Variants in PCDHB1 observed in about 807,000 individuals in gnomAD.
The protein encoded by PCDHB1 is protocadherin beta-1.
PCDHB1 carries 44 observed loss-of-function variants against 43.5 expected under a neutral mutation model. The observed-to-expected ratio is 1.01, with a 90% CI of 0.79 to 1.30. The LOEUF is 1.30. Among genes scored for constraint, PCDHB1 ranks in the 50% most tolerant of loss-of-function variants. The pLI is 0.00. For synonymous variants in PCDHB1, 392 were observed against 400.8 expected (o/e 0.98, Z 0.26); for missense variants, 919 against 1,008.9 (o/e 0.91, Z 1.21).
Position 141,052,844 on chromosome 5 carries a change from CT to C in PCDHB1, c.1376del (p.Leu459Ter), listed in dbSNP as rs1554267323. On this transcript the variant is annotated frameshift_variant, in exon 1 of 1. Transcript: ENST00000306549. LOFTEE classifies it high-confidence loss of function. ...PPIFREDSYILTVRENNSPAV... is the reference protein window; with the variant it reads ...PPIFREDSYIXTVRENNSPAV... Reference sequence around the variant, plus strand: ...CAATATTTCGGGAAGATTCCTATATCTTGACTGTTCGAGAAAACAACAGTCC... The same window carrying C: ...CAATATTTCGGGAAGATTCCTATATCTGACTGTTCGAGAAAACAACAGTCC... 1 of 1,614,178 alleles carries C rather than the reference CT, an allele frequency of 6.2e-7. No homozygotes were observed. Among genetic ancestry groups the C allele is most frequent in the East Asian group, 2.2e-5 (1 of 44,890 alleles).
At position 141,058,003 on chromosome 5, in the gene PCDHB1, A is replaced by G. The variant is rs573344600; in HGVS notation, c.*4076A>G. ...ACAAAAAGGCTTTTTATTAGGAAAT[A>G]ATTCTAGACTCATAAAATTGCAAAA... On this transcript the variant is annotated 3_prime_UTR_variant, in exon 1 of 1. Transcript: ENST00000306549. The G allele has an allele frequency of 6.6e-6, 1 of 152,344 alleles. No homozygotes were observed. The highest frequency in any genetic ancestry group is 1.9e-4 in the East Asian group (1 of 5,190). The allele number at this position is 152,344 out of a possible 1,614,324, so 9.4% of individuals were successfully genotyped here.
Position 141,051,688 on chromosome 5 carries a change from T to A in PCDHB1, c.218T>A (p.Met73Lys), listed in dbSNP as rs1554267062. Residue 73 changes from methionine (M) to lysine (K), a missense_variant, in exon 1 of 1, where the codon ATG becomes AAG. By Grantham distance (95) the Met-to-Lys change is moderately conservative. Transcript: ENST00000306549. ...GARLVSEGNK[M>K]HFRLHRKTGD... The stretch of plus-strand genomic sequence containing the variant: ...CGGCTGGTTTCCGAGGGCAACAAAA[T>A]GCATTTCCGGCTCCACCGCAAGACG... The A allele has an allele frequency of 6.2e-7, 1 of 1,614,096 alleles. No homozygotes were observed. The highest frequency in any genetic ancestry group is 1.7e-5 in the Admixed American group (1 of 60,018).
chr5:141,052,731 A>G lies in PCDHB1; in HGVS notation c.1261A>G (p.Thr421Ala). Residue 421 changes from threonine to alanine, a missense_variant, in exon 1 of 1, where the codon ACC becomes GCC. Coordinates refer to ENST00000306549, the MANE Select transcript of PCDHB1 (RefSeq NM_013340.4). The part of the protein sequence containing the change: ...DREEVSGYNI[T>A]IVAMDTGPPS... The stretch of plus-strand genomic sequence containing the variant: ...GGAGGAGGTCTCAGGCTATAATATC[A>G]CCATTGTTGCCATGGATACTGGACC... 1 of 1,613,952 alleles carries G rather than the reference A, an allele frequency of 6.2e-7. No homozygotes were observed. The highest frequency in any genetic ancestry group is 1.6e-4 in the Middle Eastern group (1 of 6,062).
Position 141,053,776 on chromosome 5 carries a change from G to T in PCDHB1, c.2306G>T (p.Arg769Leu). ...SATGTGNSEFRFLKRFMPNFP... is the reference protein window; with the variant it reads ...SATGTGNSEFLFLKRFMPNFP... ...ACTGGCACTGGTAATAGTGAGTTTC[G>T]CTTTCTTAAGCGTTTTATGCCCAAC... is the stretch of plus-strand genomic sequence containing the variant. Residue 769 changes from arginine to leucine, a missense_variant, in exon 1 of 1, where the codon CGC becomes CTC. By Grantham distance (102) the Arg-to-Leu change is moderately radical (BLOSUM62 -2). Coordinates refer to ENST00000306549, the MANE Select transcript of PCDHB1 (RefSeq NM_013340.4). The T allele has an allele frequency of 6.2e-7, 1 of 1,614,138 alleles. No homozygotes were observed. Among genetic ancestry groups the T allele is most frequent in the Non-Finnish European group, 8.5e-7 (1 of 1,180,014 alleles).
rs1751122011 is a variant in PCDHB1, at chr5:141,055,878, C to T, written c.*1951C>T. 1 of 152,180 alleles carries T rather than the reference C, an allele frequency of 6.6e-6. No individual in the cohort carries two copies. The highest frequency in any genetic ancestry group is 2.4e-5 in the African/African-American group (1 of 41,440). 9.4% of individuals were successfully genotyped at this position (152,180 alleles called of 1,614,324 possible). On this transcript the variant is annotated 3_prime_UTR_variant, in exon 1 of 1. Coordinates refer to ENST00000306549, the MANE Select transcript of PCDHB1 (RefSeq NM_013340.4). ...TAACATATTTCAGGGATTCTCCCAA[C>T]ACTGCTAACTGTGCCTTGAAAGTCA...
At position 141,052,835 on chromosome 5, in the gene PCDHB1, T is replaced by C. The variant is rs1751025109; in HGVS notation, c.1365T>C (p.Asp455=). ...VNDNPPIFRE[D]SYILTVRENN... is the part of the protein sequence containing the mutation. Reference sequence around the variant, plus strand: ...ACAATCCTCCAATATTTCGGGAAGATTCCTATATCTTGACTGTTCGAGAAA... The same window carrying C: ...ACAATCCTCCAATATTTCGGGAAGACTCCTATATCTTGACTGTTCGAGAAA... The change falls in exon 1 of 1, where the codon GAT becomes GAC. Residue 455 remains aspartate (D), a synonymous_variant. Coordinates refer to ENST00000306549, the MANE Select transcript of PCDHB1 (RefSeq NM_013340.4). 6.2e-7 allele frequency: 1 copy of C among 1,614,178 alleles called. No homozygotes were observed. The highest frequency in any genetic ancestry group is 8.5e-7 in the Non-Finnish European group (1 of 1,180,032).
In PCDHB1 at chr5:141,058,412, G is replaced by C. The variant is rs1457269117; in HGVS notation, c.*4485G>C. 6.6e-6 allele frequency: 1 copy of C among 152,172 alleles called. No homozygotes were observed. Among genetic ancestry groups the C allele is most frequent in the East Asian group, 1.9e-4 (1 of 5,206 alleles). The allele number at this position is 152,172 out of a possible 1,614,324, so 9.4% of individuals were successfully genotyped here. ...TTATTGGGAAAAATACTGCAGAAAT[G>C]ATATTGTATCCTTTTCAGTGCATCA... On this transcript the variant is annotated 3_prime_UTR_variant, in exon 1 of 1. Coordinates refer to ENST00000306549, the MANE Select transcript of PCDHB1 (RefSeq NM_013340.4).
Position 141,058,802 on chromosome 5 carries a change from C to G in PCDHB1, c.*4875C>G, listed in dbSNP as rs1393925010. 6.6e-6 allele frequency: 1 copy of G among 152,098 alleles called. No homozygotes were observed. Among genetic ancestry groups the G allele is most frequent in the African/African-American group, 2.4e-5 (1 of 41,436 alleles). 9.4% of individuals were successfully genotyped at this position (152,098 alleles called of 1,614,324 possible). ...TTTTCTATTTCTCTATTTCCTTTTACATTAATTAAAATTCTTCTGGAAGGA... is the reference window on the plus strand; with the variant it reads ...TTTTCTATTTCTCTATTTCCTTTTAGATTAATTAAAATTCTTCTGGAAGGA... On this transcript the variant is annotated 3_prime_UTR_variant, in exon 1 of 1. Transcript: ENST00000306549.
Position 141,053,734 on chromosome 5 carries a change from A to G in PCDHB1, c.2264A>G (p.Tyr755Cys), listed in dbSNP as rs1554267514. 6.2e-7 allele frequency: 1 copy of G among 1,614,206 alleles called. No homozygotes were observed. The highest frequency in any genetic ancestry group is 1.7e-5 in the Admixed American group (1 of 60,030). Residue 755 changes from tyrosine to cysteine, a missense_variant, in exon 1 of 1, where the codon TAT (tyrosine) becomes TGT (cysteine). By Grantham distance (194) the Tyr-to-Cys change is radical. Coordinates refer to ENST00000306549, the MANE Select transcript of PCDHB1 (RefSeq NM_013340.4). ...GNGSLSRPCPYEMCSATGTGN... is the reference protein window; with the variant it reads ...GNGSLSRPCPCEMCSATGTGN... ...GGATCCTTATCTCGGCCTTGTCCAT[A>G]TGAAATGTGTTCAGCCACTGGCACT...
Position 141,054,071 on chromosome 5 carries a change from A to G in PCDHB1, c.*144A>G, listed in dbSNP as rs2154005583. ...AGTACTTAGTTTGGTGAAAATGGGA[A>G]ACCTAGAGTGAGGCTAGGCTTACTC... On this transcript the variant is annotated 3_prime_UTR_variant, in exon 1 of 1. Transcript: ENST00000306549. 7.5e-6 allele frequency: 5 copies of G among 666,710 alleles called. No individual in the cohort carries two copies. In the South Asian group the frequency reaches 1.0e-4, roughly 13 times the overall value. The allele number at this position is 666,710 out of a possible 1,614,324, so 41.3% of individuals were successfully genotyped here. A position where few individuals can be genotyped will look rare whatever the true frequency, so the allele number is the denominator to read the frequency against.
rs1031477169 is a variant in PCDHB1, at chr5:141,057,921, T to A, written c.*3994T>A. 8 of 152,210 alleles carry A rather than the reference T, an allele frequency of 5.3e-5. No individual in the cohort carries two copies. The highest frequency in any genetic ancestry group is 1.9e-4 in the African/African-American group (8 of 41,446). The allele number at this position is 152,210 out of a possible 1,614,324, so 9.4% of individuals were successfully genotyped here. A position where few individuals can be genotyped will look rare whatever the true frequency, so the allele number is the denominator to read the frequency against. On this transcript the variant is annotated 3_prime_UTR_variant, in exon 1 of 1. Coordinates refer to ENST00000306549, the MANE Select transcript of PCDHB1 (RefSeq NM_013340.4). ...CTCTCTCCAAAGTGTCAAGTGATAT[T>A]ATAACTATTTCTATGTATTCAAAGC...
rs1181941823 is a variant in PCDHB1 at position 141,058,272 on chromosome 5, A to G, written c.*4345A>G. ...TCTCTACCACCTGTGACAGTTCCTT[A>G]CTCTTACCTTGTCTATCATGACTTG... On this transcript the variant is annotated 3_prime_UTR_variant, in exon 1 of 1. Transcript: ENST00000306549. 2 of 151,952 alleles carry G rather than the reference A, an allele frequency of 1.3e-5. No individual in the cohort carries two copies. Among genetic ancestry groups the G allele is most frequent in the African/African-American group, 4.8e-5 (2 of 41,350 alleles). The allele number at this position is 151,952 out of a possible 1,614,324, so 9.4% of individuals were successfully genotyped here. A position where few individuals can be genotyped will look rare whatever the true frequency, so the allele number is the denominator to read the frequency against.
In PCDHB1 at chr5:141,053,207, G is replaced by C; in HGVS notation, c.1737G>C (p.Arg579Ser). The C allele has an allele frequency of 1.9e-6, 3 of 1,614,202 alleles. No individual in the cohort carries two copies. Among genetic ancestry groups the C allele is most frequent in the Non-Finnish European group, 2.5e-6 (3 of 1,180,028 alleles). The change falls in exon 1 of 1, where the codon AGG becomes AGC. Residue 579 changes from arginine to serine, a missense_variant. Coordinates refer to ENST00000306549, the MANE Select transcript of PCDHB1 (RefSeq NM_013340.4). Reference protein sequence around the residue: ...GTLPCNDLVPRSAEAGYLVTK... With the variant: ...GTLPCNDLVPSSAEAGYLVTK... Reference sequence around the variant, plus strand: ...TGCCCTGCAATGACCTGGTGCCCAGGTCTGCAGAGGCAGGCTACCTAGTGA... The same window carrying C: ...TGCCCTGCAATGACCTGGTGCCCAGCTCTGCAGAGGCAGGCTACCTAGTGA...
rs186990269 is a variant in PCDHB1, at chr5:141,056,154, C to T, written c.*2227C>T. 2.0e-4 allele frequency: 30 copies of T among 152,162 alleles called. No individual in the cohort carries two copies. The highest frequency in any genetic ancestry group is 6.5e-4 in the African/African-American group (27 of 41,522). The allele number at this position is 152,162 out of a possible 1,614,324, so 9.4% of individuals were successfully genotyped here. A position where few individuals can be genotyped will look rare whatever the true frequency, so the allele number is the denominator to read the frequency against. ...TAAATTCAGACTCACTAGAATACAT[C>T]CTCTTGGTATTTTAAGGGTAGAGCA... On this transcript the variant is annotated 3_prime_UTR_variant, in exon 1 of 1. Transcript: ENST00000306549.
At position 141,053,719 on chromosome 5, in the gene PCDHB1, C is replaced by T. The variant is rs1554267507; in HGVS notation, c.2249C>T (p.Ser750Phe). The change falls in exon 1 of 1, where the codon TCT becomes TTT. Residue 750 changes from serine (S) to phenylalanine (F), a missense_variant. Ser to Phe is a radical substitution (Grantham distance 155). Coordinates refer to ENST00000306549, the MANE Select transcript of PCDHB1 (RefSeq NM_013340.4). ...CAAGGACAAGGCAATGGATCCTTAT[C>T]TCGGCCTTGTCCATATGAAATGTGT... ...LVQGQGNGSL[S>F]RPCPYEMCSA... The T allele has an allele frequency of 1.2e-6, 2 of 1,614,030 alleles. No homozygotes were observed. The highest frequency in any genetic ancestry group is 3.3e-5 in the Admixed American group (2 of 60,012).
chr5:141,059,274 G>T lies in PCDHB1; in HGVS notation c.*5347G>T, dbSNP rs1751192141. 6.6e-6 allele frequency: 1 copy of T among 152,024 alleles called. No individual in the cohort carries two copies. The highest frequency in any genetic ancestry group is 2.4e-5 in the African/African-American group (1 of 41,382). 9.4% of individuals were successfully genotyped at this position (152,024 alleles called of 1,614,324 possible). ...CTTATATGCTGAAATTAGACTTACAGATATACAAAAAATGGAATTGGTCTG... is the reference window on the plus strand; with the variant it reads ...CTTATATGCTGAAATTAGACTTACATATATACAAAAAATGGAATTGGTCTG... On this transcript the variant is annotated 3_prime_UTR_variant, in exon 1 of 1. Transcript: ENST00000306549.
At position 141,052,641 on chromosome 5, in the gene PCDHB1, C is replaced by A. The variant is rs555051585; in HGVS notation, c.1171C>A (p.Pro391Thr). ...CACCTGCTTCCTCAGAGAAGACCTTCCCTTTGTAATCAAACCTACATTTGG... is the reference window on the plus strand; with the variant it reads ...CACCTGCTTCCTCAGAGAAGACCTTACCTTTGTAATCAAACCTACATTTGG... Reference protein sequence around the residue: ...KVTCFLREDLPFVIKPTFGNS... With the variant: ...KVTCFLREDLTFVIKPTFGNS... The change falls in exon 1 of 1, where the codon CCC becomes ACC. Residue 391 changes from proline (P) to threonine (T), a missense_variant. By Grantham distance (38) the Pro-to-Thr change is conservative. Coordinates refer to ENST00000306549, the MANE Select transcript of PCDHB1 (RefSeq NM_013340.4). 1.9e-5 allele frequency: 30 copies of A among 1,613,994 alleles called. No homozygotes were observed. The East Asian group carries it at 6.5e-4, about 35-fold the overall frequency.
rs781810131 is a variant in PCDHB1, at chr5:141,052,905, C to G, written c.1435C>G (p.Leu479Val). The change falls in exon 1 of 1, where the codon CTT becomes GTT. Residue 479 changes from leucine to valine, a missense_variant. Transcript: ENST00000306549. The part of the protein sequence containing the change: ...VFIGKVHAED[L>V]DLGENAQITY... ...TATTGGCAAAGTCCATGCTGAGGAT[C>G]TTGATTTGGGTGAGAATGCCCAAAT... 1 of 1,614,210 alleles carries G rather than the reference C, an allele frequency of 6.2e-7. No homozygotes were observed. The highest frequency in any genetic ancestry group is 1.1e-5 in the South Asian group (1 of 91,086).
Position 141,052,933 on chromosome 5 carries a change from CAT to C in PCDHB1, c.1466_1467del (p.Tyr489PhefsTer34). On this transcript the variant is annotated frameshift_variant, in exon 1 of 1. Transcript: ENST00000306549. LOFTEE classifies it high-confidence loss of function. ...GATTTGGGTGAGAATGCCCAAATAA[CAT>C]ATTCTCTGTTGCCTCCAAAAAACGG... 6.2e-7 allele frequency: 1 copy of C among 1,614,176 alleles called. No individual in the cohort carries two copies. Among genetic ancestry groups the C allele is most frequent in the Non-Finnish European group, 8.5e-7 (1 of 1,180,038 alleles).
Sources: gnomAD v4.1 joint callset for allele counts on GRCh38, gnomAD v4.1.1 for gene constraint, MANE v1.5 for transcripts, NCBI Gene and HGNC (gene_info 2026-07-23, HGNC 2026-07-21) for gene names.